Variants in ROR2 observed in about 807,000 individuals in gnomAD.
ROR2 encodes the protein ROR family WNT receptor 2.
ROR2 carries 33 observed loss-of-function variants against 74.9 expected under a neutral mutation model. The ratio of observed to expected loss-of-function variants is 0.44; its 90% CI spans 0.33 to 0.59. ROR2 has a LOEUF of 0.59. Among genes scored for constraint, ROR2 ranks in the 20% least tolerant of loss-of-function variants. The pLI, the probability that ROR2 is intolerant of heterozygous loss-of-function variation, is 0.02. For missense variants in ROR2, 1,216 were observed against 1,313.8 expected (o/e 0.93, Z 1.15); for synonymous variants, 586 against 558.7 (o/e 1.05, Z -0.69).
chr9:91,894,159 C>T (rs1377925195), intron 1 of ROR2, among the ~76,000 whole-genome samples: 8 of 152,196 alleles, frequency 5.3e-5, no homozygotes. Flanking sequence ...TCTAGGTTCA[C>T]TGGCCCCTGC....
intron 1 of ROR2, among the ~76,000 whole-genome samples, chr9:91,843,702 C>T (rs955494942): frequency 1.3e-5 from 2 of 152,344 alleles, no homozygotes; most frequent in African/African-American, 4.8e-5. Context: ...TCACAGGGAA[C>T]ACAGGGGCAG....
In ROR2 at chr9:91,902,663, C is replaced by T. The variant is rs373633698; in HGVS notation, c.97+47204G>A. Among the ~76,000 whole-genome samples, 14 of 152,278 alleles carry T rather than the reference C, an allele frequency of 9.2e-5. No homozygotes were observed. The East Asian group carries it at 2.7e-3, about 29-fold the overall frequency. On this transcript the variant is annotated intron_variant, in intron 1 of 8. Transcript: ENST00000375708. ...GAGAGCTCAGTCTCAACTGAAGCAA[C>T]AAGAAAGGGACACTGTTAAGCTCAC...
At chr9:91,782,543 G>C (rs1826652115) in intron 1 of ROR2, among the ~76,000 whole-genome samples, 1 of 149,238 alleles carries the variant, frequency 6.7e-6, no homozygotes, top group African/African-American at 2.5e-5. Flanking sequence ...AATTGTCTTG[G>C]GCCACACGTA....
chr9:91,776,935 T>C (rs533841502), intron 1 of ROR2, among the ~76,000 whole-genome samples: 251 of 152,346 alleles, frequency 1.6e-3, no homozygotes, highest in African/African-American at 5.7e-3. Context: ...AATTTCCCTG[T>C]GGAAAAGAGT....
chr9:91,804,861 T>C (rs1827499323), intron 1 of ROR2, among the ~76,000 whole-genome samples: 2 of 152,190 alleles, frequency 1.3e-5, no homozygotes, highest in African/African-American at 4.8e-5. Context: ...AACGCTTCAT[T>C]CTACTATCTA....
chr9:91,891,406 TTACA>T (rs1830416680), intron 1 of ROR2, among the ~76,000 whole-genome samples: 1 of 152,092 alleles, frequency 6.6e-6, no homozygotes, highest in African/African-American at 2.4e-5. Flanking sequence ...GTAGCTGGGA[TTACA>T]GGCACCCAAC....
chr9:91,839,279 T>C (rs866246299), intron 1 of ROR2, among the ~76,000 whole-genome samples: 30 of 136,590 alleles, frequency 2.2e-4, no homozygotes, highest in African/African-American at 9.6e-4. Context: ...TGTGTGTGTG[T>C]GTGTGTGTGT....
At chr9:91,736,095 A>G (rs1431130967) in intron 5 of ROR2, among the ~76,000 whole-genome samples, 1 of 152,176 alleles carries the variant, frequency 6.6e-6, no homozygotes, top group African/African-American at 2.4e-5. Context: ...AAAACCTTTG[A>G]GAAGTCCTAC....
chr9:91,846,930 C>T (rs564905687), intron 1 of ROR2, among the ~76,000 whole-genome samples: 2 of 152,142 alleles, frequency 1.3e-5, no homozygotes, highest in Non-Finnish European at 2.9e-5. Context: ...CGGCTATAGA[C>T]ATGTTTAAGA....
At chr9:91,732,487 GC>G (rs1389870876) in intron 6 of ROR2, among the ~76,000 whole-genome samples, 1 of 152,156 alleles carries the variant, frequency 6.6e-6, no homozygotes, top group Non-Finnish European at 1.5e-5. Flanking sequence ...CATCCCTTAG[GC>G]CCCACGATTC....
chr9:91,808,851 A>AAATATATACTAAAAATATAAAT (rs1827654801), intron 1 of ROR2, among the ~76,000 whole-genome samples: 1 of 151,420 alleles, frequency 6.6e-6, no homozygotes, highest in East Asian at 1.9e-4. Flanking sequence ...AAAATATAAA[A>AAATATATACTAAAAATATAAAT]AATTAGCCGG....
Position 91,892,590 on chromosome 9 carries a change from CTTT to C in ROR2, c.97+57274_97+57276del, listed in dbSNP as rs547073635. ...ATTCTTTTTCTTTTTCTTTTCTTTT[CTTT>C]TTTTTTTTTTTTTTTCAGATGGAGT... On this transcript the variant is annotated intron_variant, in intron 1 of 8. Transcript: ENST00000375708. 6.1e-3 allele frequency among the ~76,000 whole-genome samples: 644 copies of C among 105,440 alleles called. 7 individuals are homozygous for C. Among genetic ancestry groups the C allele is most frequent in the African/African-American group, 0.023 (585 of 25,540 alleles). 69.2% of individuals were successfully genotyped at this position (105,440 alleles called of 152,430 possible).
At chr9:91,771,733 T>G (rs1826235353) in intron 2 of ROR2, among the ~76,000 whole-genome samples, 1 of 152,044 alleles carries the variant, frequency 6.6e-6, no homozygotes, top group Non-Finnish European at 1.5e-5. Context: ...TCTCTCTCTC[T>G]CTCTCGATAC....
chr9:91,809,640 G>A (rs1185072369), intron 1 of ROR2, among the ~76,000 whole-genome samples: 1 of 152,268 alleles, frequency 6.6e-6, no homozygotes. Flanking sequence ...GCACTCGCCA[G>A]TGTGACTCAT....
intron 1 of ROR2, among the ~76,000 whole-genome samples, chr9:91,855,471 G>A (rs559389580): frequency 3.9e-5 from 6 of 152,346 alleles, no homozygotes; most frequent in East Asian, 1.9e-4. Flanking sequence ...ATCCCAGGCC[G>A]AGAAGGGAGG....
At chr9:91,730,805 G>T in intron 7 of ROR2, 105 bp downstream of exon 7, 2 of 1,470,686 alleles carry the variant, frequency 1.4e-6, no homozygotes, top group Non-Finnish European at 1.9e-6. Context: ...GTCTCTGGTC[G>T]CCACCGTACA....
chr9:91,926,874 A>G (rs1005520118), intron 1 of ROR2, among the ~76,000 whole-genome samples: 4 of 152,074 alleles, frequency 2.6e-5, no homozygotes, highest in Admixed American at 6.6e-5. Flanking sequence ...ATGGGGAGAG[A>G]GCTTCTGTTT....
intron 1 of ROR2, among the ~76,000 whole-genome samples, chr9:91,793,351 T>C (rs909596469): frequency 1.3e-5 from 2 of 151,724 alleles, no homozygotes; most frequent in African/African-American, 4.8e-5. Context: ...AATCCATAAA[T>C]CACTGGAACA....
rs145017221 is a variant in ROR2 at position 91,932,876 on chromosome 9, T to C, written c.97+16991A>G. 1.2e-3 allele frequency among the ~76,000 whole-genome samples: 179 copies of C among 152,332 alleles called. 1 individual carries two copies. The highest frequency in any genetic ancestry group is 2.2e-3 in the Non-Finnish European group (148 of 68,024). Reference sequence around the variant, plus strand: ...ATGCCATTTCTATTTTTCATACTTCTTAAGATGAAAATGCCAGATGATTTC... The same window carrying C: ...ATGCCATTTCTATTTTTCATACTTCCTAAGATGAAAATGCCAGATGATTTC... On this transcript the variant is annotated intron_variant, in intron 1 of 8. Coordinates refer to ENST00000375708, the MANE Select transcript of ROR2 (RefSeq NM_004560.4).
Sources: allele counts gnomAD v4.1 joint callset (sites outside exome capture counted in the v4.1 genomes callset), GRCh38; gene constraint gnomAD v4.1.1; transcripts MANE v1.5; gene names NCBI Gene and HGNC (gene_info 2026-07-23, HGNC 2026-07-21).